Variants in COL24A1 observed in about 807,000 individuals in gnomAD.
COL24A1 encodes collagen type XXIV alpha 1 chain.
Under a neutral mutation model 253.9 loss-of-function variants are expected in COL24A1, and 224 were observed. That is an observed-to-expected ratio of 0.88 (90% CI 0.79 to 0.99). The LOEUF (loss-of-function observed/expected upper bound fraction) is 0.99. Among genes scored for constraint, COL24A1 ranks in the 50% least tolerant of loss-of-function variants. The pLI is 0.00. For synonymous variants in COL24A1, 685 were observed against 673.7 expected (o/e 1.02, Z -0.26); for missense variants, 2,131 against 2,068.5 (o/e 1.03, Z -0.59).
intron 37 of COL24A1, among the ~76,000 whole-genome samples, chr1:85,850,141 T>C (rs561017492): frequency 6.6e-6 from 1 of 152,204 alleles, no homozygotes; most frequent in African/African-American, 2.4e-5. Flanking sequence ...TATACACTTT[T>C]TTTTAAGTAA....
chr1:86,081,312 GTT>G lies in COL24A1; in HGVS notation c.1707+7860_1707+7861del, dbSNP rs35039724. On this transcript the variant is annotated intron_variant, in intron 7 of 59. Transcript: ENST00000370571. ...TTTCCAAGAATTCTTCTAATGTGAAGTTTTTTTTTTTTGAAAGTGTCACTTCC... is the reference window on the plus strand; with the variant it reads ...TTTCCAAGAATTCTTCTAATGTGAAGTTTTTTTTTTGAAAGTGTCACTTCC... Among the ~76,000 whole-genome samples, 70 of 147,474 alleles carry G rather than the reference GTT, an allele frequency of 4.7e-4. 1 individual carries two copies. In the South Asian group the frequency reaches 7.5e-3, roughly 16 times the overall value.
chr1:85,869,414 A>G (rs1175977565), intron 35 of COL24A1, among the ~76,000 whole-genome samples: 1 of 152,182 alleles, frequency 6.6e-6, no homozygotes, highest in African/African-American at 2.4e-5. Flanking sequence ...CCAAAGTTGA[A>G]AAGAAGGAAA....
intron 9 of COL24A1, 83 bp from the exon 10 acceptor site, chr1:86,058,058 A>G (rs1700789620): frequency 9.3e-7 from 1 of 1,078,606 alleles, no homozygotes; most frequent in Non-Finnish European, 1.4e-6. Flanking sequence ...GGCCATATAA[A>G]GAGCTATCAT....
chr1:86,070,880 A>G (rs989534599), intron 7 of COL24A1, among the ~76,000 whole-genome samples: 1 of 152,232 alleles, frequency 6.6e-6, no homozygotes, highest in African/African-American at 2.4e-5. Flanking sequence ...CTGAGCAAGA[A>G]GAAACCATCT....
At chr1:85,841,975 T>C in intron 41 of COL24A1, 93 bp downstream of exon 41, 3 of 1,121,584 alleles carry the variant, frequency 2.7e-6, no homozygotes, top group Non-Finnish European at 4.0e-6. Context: ...GTGCTTCTTT[T>C]ATTCCTTGAA....
chr1:85,818,621 A>G (rs1673288546), intron 45 of COL24A1, among the ~76,000 whole-genome samples: 1 of 152,188 alleles, frequency 6.6e-6, no homozygotes. Flanking sequence ...TTCCCACGGA[A>G]CTGTTTGTTT....
chr1:85,832,224 A>G (rs1002512826), intron 43 of COL24A1, among the ~76,000 whole-genome samples: 2 of 152,068 alleles, frequency 1.3e-5, no homozygotes, highest in African/African-American at 4.8e-5. Flanking sequence ...TTTGTCAAAG[A>G]TCAGATGGTT....
chr1:85,786,512 G>A, intron 47 of COL24A1, 51 bp from the exon 48 acceptor site: 4 of 1,524,184 alleles, frequency 2.6e-6, no homozygotes, highest in South Asian at 1.2e-5. Flanking sequence ...TAAAAAGTCA[G>A]TTTAGAGGCT....
intron 55 of COL24A1, among the ~76,000 whole-genome samples, chr1:85,754,822 G>T (rs909700507): frequency 6.6e-6 from 1 of 152,088 alleles, no homozygotes; most frequent in African/African-American, 2.4e-5. Context: ...AGAGACTTAA[G>T]AGATCTGTAG....
At chr1:85,872,691 G>A (rs1372148961) in intron 35 of COL24A1, among the ~76,000 whole-genome samples, 1 of 152,124 alleles carries the variant, frequency 6.6e-6, no homozygotes, top group Non-Finnish European at 1.5e-5. Flanking sequence ...ATTAATTCAA[G>A]ATGGATTAAA....
intron 5 of COL24A1, among the ~76,000 whole-genome samples, chr1:86,103,616 A>T (rs1704665994): frequency 6.6e-6 from 1 of 152,112 alleles, no homozygotes; most frequent in Non-Finnish European, 1.5e-5. Flanking sequence ...TCTGAAAAGG[A>T]TCTTATTTCT....
At chr1:85,885,291 C>G (rs1294001525) in intron 32 of COL24A1, among the ~76,000 whole-genome samples, 2 of 151,614 alleles carry the variant, frequency 1.3e-5, no homozygotes, top group Non-Finnish European at 2.9e-5. Context: ...ACCTCCGCCT[C>G]CCAGGTTCAA....
In COL24A1 at chr1:85,864,725, C is replaced by A. The variant is rs192908077; in HGVS notation, c.3300+3794G>T. Reference sequence around the variant, plus strand: ...TTTTATCTTCCCTTAAGATATTTACCTCTACCTAATATCATACCACCTTAA... The same window carrying A: ...TTTTATCTTCCCTTAAGATATTTACATCTACCTAATATCATACCACCTTAA... On this transcript the variant is annotated intron_variant, in intron 37 of 59. Transcript: ENST00000370571. Among the ~76,000 whole-genome samples, 60 of 152,172 alleles carry A rather than the reference C, an allele frequency of 3.9e-4. 1 individual carries two copies. Among genetic ancestry groups the A allele is most frequent in the Admixed American group, 3.2e-3 (49 of 15,280 alleles).
intron 53 of COL24A1, among the ~76,000 whole-genome samples, chr1:85,766,893 C>G (rs1667439715): frequency 1.3e-5 from 2 of 151,998 alleles, no homozygotes; most frequent in Non-Finnish European, 2.9e-5. Context: ...ATCACGAGGT[C>G]AGGAGATCAA....
intron 7 of COL24A1, among the ~76,000 whole-genome samples, chr1:86,070,091 G>A (rs78544772): frequency 0.02 from 3,079 of 152,210 alleles, 36 homozygotes; most frequent in Middle Eastern, 0.068. Context: ...ACACAAAGAA[G>A]GAATTCAGAA....
intron 20 of COL24A1, 26 bp downstream of exon 20, chr1:85,987,575 A>C: frequency 6.3e-7 from 1 of 1,575,614 alleles, no homozygotes; most frequent in Non-Finnish European, 8.7e-7. Flanking sequence ...ATAATTGTTT[A>C]GTCTCTCTCT....
At chr1:86,034,134 A>C (rs1376834069) in intron 12 of COL24A1, among the ~76,000 whole-genome samples, 1 of 152,152 alleles carries the variant, frequency 6.6e-6, no homozygotes, top group Non-Finnish European at 1.5e-5. Context: ...ATATGTTATA[A>C]AAATTATTTT....
At chr1:85,972,487 T>A (rs1571425230) in intron 20 of COL24A1, among the ~76,000 whole-genome samples, 1 of 152,196 alleles carries the variant, frequency 6.6e-6, no homozygotes, top group African/African-American at 2.4e-5. Flanking sequence ...ATAACCTAAC[T>A]TTTTAATGAA....
intron 24 of COL24A1, among the ~76,000 whole-genome samples, chr1:85,923,413 G>C (rs1237272721): frequency 6.6e-6 from 1 of 152,066 alleles, no homozygotes; most frequent in East Asian, 1.9e-4. Context: ...TGACCACATA[G>C]TTGGAAGTAA....
Sources: allele counts gnomAD v4.1 joint callset (sites outside exome capture counted in the v4.1 genomes callset), GRCh38; gene constraint gnomAD v4.1.1; transcripts MANE v1.5; gene names NCBI Gene and HGNC (gene_info 2026-07-23, HGNC 2026-07-21).